The following NEBL variants were observed in gnomAD, a reference collection of about 807,000 sequenced individuals.
The protein encoded by NEBL is nebulette, also known as LIM and SH3 protein 2.
In NEBL, 122 loss-of-function variants were observed where a neutral mutation model predicts 140.2. The observed-to-expected ratio is 0.87, with a 90% CI of 0.75 to 1.01. The LOEUF (loss-of-function observed/expected upper bound fraction) is 1.01. Among genes scored for constraint, NEBL ranks in the 50% least tolerant of loss-of-function variants. The probability of loss-of-function intolerance (pLI) is 0.00; values close to 1 mark genes in which losing one functional copy is unlikely to be tolerated. For synonymous variants in NEBL, 436 were observed against 398.9 expected, an observed-to-expected ratio of 1.09 and a Z score of -1.11; for missense variants, 1,365 against 1,231.3, an observed-to-expected ratio of 1.11 and a Z score of -1.62.
At chr10:20,864,726 G>A (rs2131192022) in intron 7 of NEBL, among the ~76,000 whole-genome samples, 1 of 152,142 alleles carries the variant, frequency 6.6e-6, no homozygotes, top group Non-Finnish European at 1.5e-5. Flanking sequence ...TAGTTTAGGA[G>A]CAAACTAAAA....
intron 2 of NEBL, among the ~76,000 whole-genome samples, chr10:21,100,392 A>G (rs1222930755): frequency 6.6e-6 from 1 of 152,200 alleles, no homozygotes; most frequent in African/African-American, 2.4e-5. Flanking sequence ...ACTCTGCTCC[A>G]TTGTCAGCTG....
At chr10:20,928,327 G>C (rs1186133689) in intron 4 of NEBL, among the ~76,000 whole-genome samples, 1 of 152,192 alleles carries the variant, frequency 6.6e-6, no homozygotes, top group East Asian at 1.9e-4. Flanking sequence ...GTAGGCAGTA[G>C]TCACATGTGG....
intron 2 of NEBL, among the ~76,000 whole-genome samples, chr10:21,088,111 CT>C (rs931379287): frequency 6.6e-6 from 1 of 152,186 alleles, no homozygotes; most frequent in African/African-American, 2.4e-5. Context: ...GGAATCACCC[CT>C]GGGTCTACAT....
At chr10:20,915,491 T>C (rs1330823647) in intron 4 of NEBL, among the ~76,000 whole-genome samples, 1 of 150,402 alleles carries the variant, frequency 6.6e-6, no homozygotes, top group Non-Finnish European at 1.5e-5. Context: ...CACCTATGAG[T>C]GAGAATACAT....
intron 2 of NEBL, among the ~76,000 whole-genome samples, chr10:21,075,331 G>A (rs1213833218): frequency 6.6e-6 from 1 of 152,064 alleles, no homozygotes; most frequent in African/African-American, 2.4e-5. Context: ...GGCTGGAGAC[G>A]GACTGAGAGG....
At chr10:20,976,603 G>T (rs1358254163) in intron 3 of NEBL, among the ~76,000 whole-genome samples, 1 of 152,118 alleles carries the variant, frequency 6.6e-6, no homozygotes, top group African/African-American at 2.4e-5. Flanking sequence ...AAAATAATAA[G>T]ATCATGCCCT....
At chr10:20,867,294 G>A (rs1228740541) in intron 7 of NEBL, among the ~76,000 whole-genome samples, 3 of 152,066 alleles carry the variant, frequency 2.0e-5, no homozygotes, top group Admixed American at 6.6e-5. Flanking sequence ...TTCACCAACA[G>A]AATAGTACGT....
chr10:21,138,978 CATG>C, intron 2 of NEBL, among the ~76,000 whole-genome samples: 1 of 152,170 alleles, frequency 6.6e-6, no homozygotes, highest in African/African-American at 2.4e-5. Context: ...TCCATGACTT[CATG>C]ATGTTCTTAT....
At chr10:21,098,597 TA>T (rs1837314244) in intron 2 of NEBL, among the ~76,000 whole-genome samples, 1 of 152,160 alleles carries the variant, frequency 6.6e-6, no homozygotes, top group Non-Finnish European at 1.5e-5. Context: ...TTCCCTCTCT[TA>T]AAAATTCCTC....
At chr10:20,899,245 C>T, upstream of NEBL, 1 of 340,534 alleles carries the variant, frequency 2.9e-6, no homozygotes, top group Admixed American at 4.6e-5. Flanking sequence ...TTTCTGTAAA[C>T]TTGTCTTGCA....
intron 4 of NEBL, among the ~76,000 whole-genome samples, chr10:20,952,138 G>T (rs1384966633): frequency 1.3e-5 from 2 of 152,132 alleles, no homozygotes; most frequent in East Asian, 3.8e-4. Flanking sequence ...AGTTTTAAAG[G>T]TTCAATTAAG....
At chr10:21,032,147 A>G (rs1267704822) in intron 2 of NEBL, among the ~76,000 whole-genome samples, 1 of 152,246 alleles carries the variant, frequency 6.6e-6, no homozygotes, top group Non-Finnish European at 1.5e-5. Flanking sequence ...TTTAAGTCTC[A>G]TGATAACATT....
chr10:21,252,100 A>C (rs1293227084), intron 1 of NEBL, among the ~76,000 whole-genome samples: 1 of 152,178 alleles, frequency 6.6e-6, no homozygotes, highest in African/African-American at 2.4e-5. Flanking sequence ...CTTCTCATGT[A>C]CCTCATAGCC....
At chr10:21,109,525 G>A (rs1837874894) in intron 2 of NEBL, among the ~76,000 whole-genome samples, 1 of 152,120 alleles carries the variant, frequency 6.6e-6, no homozygotes, top group South Asian at 2.1e-4. Context: ...AAATGAATTA[G>A]GGAGGATTCC....
chr10:21,210,390 C>T (rs1841896811), intron 3 of NEBL, among the ~76,000 whole-genome samples: 1 of 151,858 alleles, frequency 6.6e-6, no homozygotes, highest in Non-Finnish European at 1.5e-5. Flanking sequence ...AAAATTCTGT[C>T]TCAAAAAAAA....
At chr10:20,854,356 C>T (rs190082643) in intron 9 of NEBL, among the ~76,000 whole-genome samples, 42 of 152,258 alleles carry the variant, frequency 2.8e-4, no homozygotes, top group Admixed American at 6.5e-4. Context: ...AAGCTCAGTG[C>T]TAGGAATGGA....
chr10:20,854,344 GA>G (rs1842833096), intron 9 of NEBL, among the ~76,000 whole-genome samples: 1 of 152,148 alleles, frequency 6.6e-6, no homozygotes, highest in Non-Finnish European at 1.5e-5. Flanking sequence ...GAAAGAGGAA[GA>G]AAGCTCAGTG....
At chr10:21,273,296 C>A (rs898088292) in intron 1 of NEBL, among the ~76,000 whole-genome samples, 2 of 152,164 alleles carry the variant, frequency 1.3e-5, no homozygotes, top group African/African-American at 4.8e-5. Context: ...TCCCAAGCAG[C>A]AGATTTCTCC....
intron 18 of NEBL, among the ~76,000 whole-genome samples, chr10:20,825,621 G>A (rs570211364): frequency 1.1e-4 from 16 of 151,526 alleles, no homozygotes; most frequent in African/African-American, 1.9e-4. Context: ...CTGAGATTAC[G>A]CCACTGCACT....
Sources: allele counts gnomAD v4.1 joint callset (sites outside exome capture counted in the v4.1 genomes callset), GRCh38; gene constraint gnomAD v4.1.1; transcripts MANE v1.5; gene names NCBI Gene and HGNC (gene_info 2026-07-23, HGNC 2026-07-21).